CACNA2D1: variants seen among roughly 807,000 people sequenced by gnomAD.
CACNA2D1 encodes calcium voltage-gated channel auxiliary subunit alpha2delta 1.
In CACNA2D1, 53 loss-of-function variants were observed where a neutral mutation model predicts 171.5. The ratio of observed to expected loss-of-function variants is 0.31; its 90% CI spans 0.25 to 0.39. The LOEUF is 0.39. Among genes scored for constraint, CACNA2D1 ranks in the 10% least tolerant of loss-of-function variants. CACNA2D1 has a pLI of 1.00. For missense variants in CACNA2D1, 903 were observed against 1,299.8 expected (o/e 0.69, Z 4.69); for synonymous variants, 442 against 443.1 (o/e 1.00, Z 0.03).
At chr7:82,055,567 G>A (rs1805732560) in intron 10 of CACNA2D1, among the ~76,000 whole-genome samples, 1 of 151,574 alleles carries the variant, frequency 6.6e-6, no homozygotes, top group African/African-American at 2.4e-5. Flanking sequence ...TATACACCAT[G>A]GAATACTATG....
Position 81,985,196 on chromosome 7 carries a change from C to CTTTTTTTTTTTTTTTTTTTTTTTT in CACNA2D1, c.1797-486_1797-485insAAAAAAAAAAAAAAAAAAAAAAAA, listed in dbSNP as rs774555240. Among the ~76,000 whole-genome samples, 6 of 104,176 alleles carry CTTTTTTTTTTTTTTTTTTTTTTTT rather than the reference C, an allele frequency of 5.8e-5. 1 individual carries two copies. Among genetic ancestry groups the CTTTTTTTTTTTTTTTTTTTTTTTT allele is most frequent in the African/African-American group, 2.5e-4 (6 of 24,302 alleles). The allele number at this position is 104,176 out of a possible 152,430, so 68.3% of individuals were successfully genotyped here. A position where few individuals can be genotyped will look rare whatever the true frequency, so the allele number is the denominator to read the frequency against. On this transcript the variant is annotated intron_variant, in intron 21 of 38. Transcript: ENST00000356860. ...AATGGAAGAGTTACTATTATCATTA[C>CTTTTTTTTTTTTTTTTTTTTTTTT]TTTTTTTTTTTTTTTTTTTTTGGAG...
At chr7:82,022,005 GTT>G (rs1166140984) in intron 12 of CACNA2D1, among the ~76,000 whole-genome samples, 2 of 151,868 alleles carry the variant, frequency 1.3e-5, no homozygotes, top group Non-Finnish European at 2.9e-5. Flanking sequence ...GTGCTATAAA[GTT>G]TACATCATAT....
chr7:81,972,552 A>G (rs575437024), intron 25 of CACNA2D1, among the ~76,000 whole-genome samples: 1 of 152,052 alleles, frequency 6.6e-6, no homozygotes, highest in African/African-American at 2.4e-5. Flanking sequence ...AGTAGATAAT[A>G]GGTTGTCATT....
chr7:82,373,159 G>A (rs1822603248), intron 1 of CACNA2D1, among the ~76,000 whole-genome samples: 1 of 152,132 alleles, frequency 6.6e-6, no homozygotes, highest in Non-Finnish European at 1.5e-5. Flanking sequence ...ACTCCAGCCA[G>A]GGTGACAGAG....
At chr7:82,358,143 T>C (rs1325537032) in intron 1 of CACNA2D1, among the ~76,000 whole-genome samples, 2 of 152,190 alleles carry the variant, frequency 1.3e-5, no homozygotes, top group South Asian at 2.1e-4. Context: ...TAAGTTCATA[T>C]ATTTCAAAAG....
At chr7:81,978,107 G>T (rs1407895610) in intron 24 of CACNA2D1, among the ~76,000 whole-genome samples, 2 of 152,118 alleles carry the variant, frequency 1.3e-5, no homozygotes, top group Non-Finnish European at 2.9e-5. Context: ...GAGAGGATGT[G>T]GTGGAATAGG....
At chr7:82,264,412 G>T (rs913134295) in intron 3 of CACNA2D1, among the ~76,000 whole-genome samples, 1 of 136,236 alleles carries the variant, frequency 7.3e-6, no homozygotes. Flanking sequence ...AATGTAAATG[G>T]TCACAATGTT....
intron 4 of CACNA2D1, among the ~76,000 whole-genome samples, chr7:82,149,793 A>AG (rs1793589139): frequency 2.1e-5 from 3 of 143,734 alleles, no homozygotes; most frequent in Non-Finnish European, 3.1e-5. Flanking sequence ...CAAACAAACA[A>AG]CAAAAAAAAA....
chr7:82,411,276 TAGACCTG>T (rs2129455023), intron 1 of CACNA2D1, among the ~76,000 whole-genome samples: 1 of 152,316 alleles, frequency 6.6e-6, no homozygotes, highest in South Asian at 2.1e-4. Context: ...TGAAATCAGA[TAGACCTG>T]AGTTATAGCC....
At chr7:82,315,895 T>C (rs1233653038) in intron 3 of CACNA2D1, among the ~76,000 whole-genome samples, 2 of 152,132 alleles carry the variant, frequency 1.3e-5, no homozygotes, top group African/African-American at 4.8e-5. Flanking sequence ...AGTTAATCAC[T>C]GCTTACATTT....
chr7:82,394,673 C>T, intron 1 of CACNA2D1, among the ~76,000 whole-genome samples: 1 of 151,956 alleles, frequency 6.6e-6, no homozygotes, highest in East Asian at 1.9e-4. Flanking sequence ...TGTGTGTTTT[C>T]CCAGAATCTT....
At chr7:82,033,003 T>C in intron 11 of CACNA2D1, 102 bp from the exon 12 acceptor site, 1 of 708,468 alleles carries the variant, frequency 1.4e-6, no homozygotes, top group African/African-American at 1.8e-5. Context: ...AAGTAATTAA[T>C]GAAATATCTG....
intron 3 of CACNA2D1, among the ~76,000 whole-genome samples, chr7:82,241,663 G>A (rs1383086992): frequency 6.6e-6 from 1 of 151,802 alleles, no homozygotes; most frequent in Admixed American, 6.6e-5. Flanking sequence ...GGGAGGAAGA[G>A]AAAGACAGTA....
In CACNA2D1 at chr7:82,260,744, C is replaced by T. The variant is rs1806964335; in HGVS notation, c.294+74391G>A. On this transcript the variant is annotated intron_variant, in intron 3 of 38. Coordinates refer to ENST00000356860, the MANE Select transcript of CACNA2D1 (RefSeq NM_000722.4). ...GAAACAGATTTTGTCTTAAGGGCTTCAACAGCAAAGCCTGTTTTTAACAAT... is the reference window on the plus strand; with the variant it reads ...GAAACAGATTTTGTCTTAAGGGCTTTAACAGCAAAGCCTGTTTTTAACAAT... Among the ~76,000 whole-genome samples, 3 of 152,110 alleles carry T rather than the reference C, an allele frequency of 2.0e-5. No individual in the cohort carries two copies. In the South Asian group the frequency reaches 6.2e-4, roughly 32 times the overall value.
At chr7:82,269,380 G>A (rs886868621) in intron 3 of CACNA2D1, among the ~76,000 whole-genome samples, 1 of 152,168 alleles carries the variant, frequency 6.6e-6, no homozygotes, top group African/African-American at 2.4e-5. Context: ...AAGGGCAGAT[G>A]CTATACAAGA....
intron 1 of CACNA2D1, among the ~76,000 whole-genome samples, chr7:82,350,902 G>T (rs1162332108): frequency 1.3e-5 from 2 of 152,164 alleles, no homozygotes; most frequent in African/African-American, 2.4e-5. Flanking sequence ...ATAAGCTATG[G>T]ATGTCAGGAT....
chr7:82,359,090 T>G (rs1206222314), intron 1 of CACNA2D1, among the ~76,000 whole-genome samples: 1 of 152,116 alleles, frequency 6.6e-6, no homozygotes, highest in Non-Finnish European at 1.5e-5. Context: ...TCTAGCATAG[T>G]CCCGGGTAGC....
intron 24 of CACNA2D1, among the ~76,000 whole-genome samples, chr7:81,977,659 C>T (rs969681526): frequency 1.3e-5 from 2 of 152,084 alleles, no homozygotes; most frequent in African/African-American, 4.8e-5. Flanking sequence ...CCAGGCAATA[C>T]CATTCAGGGC....
intron 2 of CACNA2D1, among the ~76,000 whole-genome samples, chr7:82,343,395 G>A (rs1301378044): frequency 6.6e-6 from 1 of 152,168 alleles, no homozygotes; most frequent in Non-Finnish European, 1.5e-5. Flanking sequence ...AAGAACAAGT[G>A]ACAATCGCAA....
Sources: allele counts gnomAD v4.1 joint callset (sites outside exome capture counted in the v4.1 genomes callset), GRCh38; gene constraint gnomAD v4.1.1; transcripts MANE v1.5; gene names NCBI Gene and HGNC (gene_info 2026-07-23, HGNC 2026-07-21).